RAPGEF6: variants seen among roughly 807,000 people sequenced by gnomAD.
The protein encoded by RAPGEF6 is Rap guanine nucleotide exchange factor 6.
In RAPGEF6, 56 loss-of-function variants were observed where a neutral mutation model predicts 171.4. That is an observed-to-expected ratio of 0.33 (90% CI 0.26 to 0.41). RAPGEF6 has a LOEUF of 0.41. RAPGEF6 is among the 10% of genes least tolerant of loss of function. The probability of loss-of-function intolerance (pLI) is 1.00; values close to 1 mark genes in which losing one functional copy is unlikely to be tolerated. For missense variants in RAPGEF6, 1,674 were observed against 1,921.4 expected (o/e 0.87, Z 2.41); for synonymous variants, 692 against 650.1 (o/e 1.06, Z -0.98).
chr5:131,434,826 A>G, intron 24 of RAPGEF6, among the ~76,000 whole-genome samples: 1 of 152,220 alleles, frequency 6.6e-6, no homozygotes, highest in Admixed American at 6.5e-5. Flanking sequence ...GATAACTGGA[A>G]GAAACCAAAT....
At chr5:131,555,597 A>C (rs1242231398) in intron 5 of RAPGEF6, among the ~76,000 whole-genome samples, 2 of 151,948 alleles carry the variant, frequency 1.3e-5, no homozygotes, top group Non-Finnish European at 2.9e-5. Context: ...TTTCCAATTA[A>C]ATGTATCATA....
chr5:131,579,426 T>C (rs1762800114), intron 4 of RAPGEF6, among the ~76,000 whole-genome samples: 2 of 152,316 alleles, frequency 1.3e-5, no homozygotes, highest in African/African-American at 2.4e-5. Context: ...ATCCTGCTGA[T>C]TGGTCCATTT....
chr5:131,524,578 A>G (rs1758733637), intron 6 of RAPGEF6, among the ~76,000 whole-genome samples: 1 of 144,494 alleles, frequency 6.9e-6, no homozygotes, highest in African/African-American at 2.6e-5. Flanking sequence ...AGAGGAGGAG[A>G]GAGAGGGAGA....
At chr5:131,628,474 T>G (rs1225724218) in intron 1 of RAPGEF6, among the ~76,000 whole-genome samples, 1 of 152,078 alleles carries the variant, frequency 6.6e-6, no homozygotes, top group African/African-American at 2.4e-5. Flanking sequence ...CTGGTGGAAG[T>G]TGGTTCATGA....
chr5:131,562,237 G>T (rs1251440708), intron 4 of RAPGEF6, among the ~76,000 whole-genome samples, 190 bp from the exon 5 acceptor site: 1 of 151,226 alleles, frequency 6.6e-6, no homozygotes, highest in Non-Finnish European at 1.5e-5. Flanking sequence ...TAATTGTCCA[G>T]ATATAACTGA....
rs1756592593 is a variant in RAPGEF6 at position 131,495,625 on chromosome 5, A to G, written c.1455T>C (p.His485=). ...TRIVLLWVNN[H]FNDFEGDPAM... ...CAGGGTCACCTTCAAAATCATTAAA[A>G]TGATTATTTACCCATAATAATACAA... Residue 485 remains histidine (H), a synonymous_variant, in exon 13 of 28, where the codon CAT becomes CAC. Coordinates refer to ENST00000509018, the MANE Select transcript of RAPGEF6 (RefSeq NM_016340.6). The G allele has an allele frequency of 6.2e-7, 1 of 1,613,692 alleles. No individual in the cohort carries two copies. Among genetic ancestry groups the G allele is most frequent in the Non-Finnish European group, 8.5e-7 (1 of 1,179,832 alleles).
chr5:131,513,851 A>G (rs1435479652), intron 7 of RAPGEF6, among the ~76,000 whole-genome samples: 3 of 152,170 alleles, frequency 2.0e-5, no homozygotes, highest in African/African-American at 7.2e-5. Flanking sequence ...CTACAAAAAA[A>G]TACAAAAATT....
chr5:131,441,620 C>T (rs1411097181), intron 23 of RAPGEF6, among the ~76,000 whole-genome samples: 1 of 152,152 alleles, frequency 6.6e-6, no homozygotes, highest in Non-Finnish European at 1.5e-5. Flanking sequence ...AAGAAGAAGA[C>T]ACATTATATT....
chr5:131,484,671 C>T (rs920042232), intron 15 of RAPGEF6, among the ~76,000 whole-genome samples: 1 of 152,062 alleles, frequency 6.6e-6, no homozygotes, highest in African/African-American at 2.4e-5. Flanking sequence ...TTTATTATAT[C>T]TCTGTTAATA....
rs1225548874 is a variant in RAPGEF6 at position 131,508,066 on chromosome 5, C to T, written c.942+5G>A. 3 of 1,589,256 alleles carry T rather than the reference C, an allele frequency of 1.9e-6. No individual in the cohort carries two copies. Among genetic ancestry groups the T allele is most frequent in the African/African-American group, 2.7e-5 (2 of 73,760 alleles). Reference sequence around the variant, plus strand: ...TAAATGTATGTAATTTATTTATTGACCTACCTCTTGCCCATCTTCAAGAAT... The same window carrying T: ...TAAATGTATGTAATTTATTTATTGATCTACCTCTTGCCCATCTTCAAGAAT... On this transcript the variant is annotated splice_donor_5th_base_variant and intron_variant, in intron 9 of 27. Transcript: ENST00000509018.
chr5:131,527,071 G>A (rs1430806477), intron 6 of RAPGEF6, among the ~76,000 whole-genome samples: 2 of 152,136 alleles, frequency 1.3e-5, no homozygotes, highest in Non-Finnish European at 2.9e-5. Flanking sequence ...GGGAAGGGCA[G>A]TGATATAAGA....
At chr5:131,586,669 G>A (rs529463728) in intron 4 of RAPGEF6, among the ~76,000 whole-genome samples, 1 of 152,196 alleles carries the variant, frequency 6.6e-6, no homozygotes, top group Non-Finnish European at 1.5e-5. Context: ...GTATTCATCG[G>A]CAGTCATTAA....
intron 2 of RAPGEF6, among the ~76,000 whole-genome samples, chr5:131,603,723 T>A (rs1283313505): frequency 6.6e-6 from 1 of 152,104 alleles, no homozygotes; most frequent in Non-Finnish European, 1.5e-5. Flanking sequence ...CAGTTTGCAA[T>A]AAAAAATATT....
rs1328038574 is a variant in RAPGEF6, at chr5:131,425,538, G to A, written c.*1728C>T. Reference sequence around the variant, plus strand: ...ACCAAGAAAGCTATGGAACCACCAAGCCTCATTCTATCATACCTGCGATTA... The same window carrying A: ...ACCAAGAAAGCTATGGAACCACCAAACCTCATTCTATCATACCTGCGATTA... On this transcript the variant is annotated 3_prime_UTR_variant, in exon 28 of 28. Coordinates refer to ENST00000509018, the MANE Select transcript of RAPGEF6 (RefSeq NM_016340.6). 1.3e-5 allele frequency: 2 copies of A among 152,282 alleles called. No individual in the cohort carries two copies. The highest frequency in any genetic ancestry group is 2.9e-5 in the Non-Finnish European group (2 of 68,020). The allele number at this position is 152,282 out of a possible 1,614,324, so 9.4% of individuals were successfully genotyped here.
At chr5:131,512,298 T>C (rs953856454) in intron 7 of RAPGEF6, among the ~76,000 whole-genome samples, 1 of 151,776 alleles carries the variant, frequency 6.6e-6, no homozygotes, top group African/African-American at 2.4e-5. Context: ...AGCATCCAGG[T>C]ACCCTGAGGC....
intron 4 of RAPGEF6, among the ~76,000 whole-genome samples, chr5:131,569,473 G>T (rs1354595439): frequency 6.6e-6 from 1 of 152,074 alleles, no homozygotes; most frequent in African/African-American, 2.4e-5. Context: ...GAAAAAAACA[G>T]CCTTTTCAAT....
chr5:131,577,565 A>G (rs1277687530), intron 4 of RAPGEF6, among the ~76,000 whole-genome samples: 3 of 152,162 alleles, frequency 2.0e-5, no homozygotes, highest in Non-Finnish European at 4.4e-5. Flanking sequence ...TGTCTACTCC[A>G]GATTCCCAGC....
Position 131,489,550 on chromosome 5 carries a change from A to C in RAPGEF6, c.1836T>G (p.Ile612Met), listed in dbSNP as rs1756143088. 1 of 1,563,962 alleles carries C rather than the reference A, an allele frequency of 6.4e-7. No homozygotes were observed. The highest frequency in any genetic ancestry group is 1.4e-5 in the African/African-American group (1 of 72,642). ...THLALTVKTN[I>M]FVFKELLFRT... ...AATTTTTACAACAAAACTCACCAAA[A>C]ATGTTGGTCTTCACAGTAAGTGCAA... The change falls in exon 15 of 28, where the codon ATT (isoleucine) becomes ATG (methionine). Residue 612 changes from isoleucine (I) to methionine (M), a missense_variant. Physicochemically the swap from Ile to Met is conservative, Grantham distance 10. Transcript: ENST00000509018.
intron 4 of RAPGEF6, among the ~76,000 whole-genome samples, chr5:131,568,170 T>A (rs1212064966): frequency 1.3e-5 from 2 of 152,232 alleles, no homozygotes; most frequent in East Asian, 3.8e-4. Flanking sequence ...GCACATGTAA[T>A]GAAATTACTA....
Sources: allele counts gnomAD v4.1 joint callset (sites outside exome capture counted in the v4.1 genomes callset), GRCh38; gene constraint gnomAD v4.1.1; transcripts MANE v1.5; gene names NCBI Gene and HGNC (gene_info 2026-07-23, HGNC 2026-07-21).